The following DGKG variants were observed in gnomAD, a reference collection of about 807,000 sequenced individuals.
The protein encoded by DGKG is diacylglycerol kinase gamma, also known as DAG kinase gamma.
DGKG carries 78 observed loss-of-function variants against 105.3 expected under a neutral mutation model. The observed-to-expected ratio is 0.74, with a 90% CI of 0.62 to 0.89. The LOEUF (loss-of-function observed/expected upper bound fraction) is 0.89. Among genes scored for constraint, DGKG ranks in the 40% least tolerant of loss-of-function variants. The probability of loss-of-function intolerance (pLI) is 0.00; values close to 1 mark genes in which losing one functional copy is unlikely to be tolerated. For synonymous variants in DGKG, 346 were observed against 367.1 expected, an observed-to-expected ratio of 0.94 and a Z score of 0.66; for missense variants, 958 against 1,020.1, an observed-to-expected ratio of 0.94 and a Z score of 0.83.
chr3:186,334,286 C>T (rs1444721149), intron 1 of DGKG, among the ~76,000 whole-genome samples: 1 of 152,142 alleles, frequency 6.6e-6, no homozygotes, highest in Admixed American at 6.6e-5. Flanking sequence ...CATATTCCCC[C>T]ACCCCACCCT....
At chr3:186,159,168 C>A (rs1716172019) in intron 24 of DGKG, 1 of 151,260 alleles carries the variant, frequency 6.6e-6, no homozygotes, top group African/African-American at 2.4e-5. Flanking sequence ...TAACATCATT[C>A]AACTTGCTTC....
intron 3 of DGKG, among the ~76,000 whole-genome samples, chr3:186,299,770 T>TTTCG (rs1723787683): frequency 2.6e-5 from 1 of 38,478 alleles, no homozygotes; most frequent in Non-Finnish European, 5.0e-5. Context: ...TTCTTTTCTC[T>TTTCG]TTCTTTCTTT....
At chr3:186,237,854 A>G (rs559540909) in intron 20 of DGKG, among the ~76,000 whole-genome samples, 15 of 152,310 alleles carry the variant, frequency 9.8e-5, no homozygotes, top group Admixed American at 7.2e-4. Flanking sequence ...TGGGAATGCT[A>G]ATATTTATCT....
Position 186,261,591 on chromosome 3 carries a change from G to A in DGKG, c.1349+108C>T, listed in dbSNP as rs1054093093. On this transcript the variant is annotated intron_variant, in intron 15 of 24. Coordinates refer to ENST00000265022, the MANE Select transcript of DGKG (RefSeq NM_001346.3). The stretch of plus-strand genomic sequence containing the variant: ...CATAAAGTGGCAGGTGGCAGTGCTG[G>A]GATTTGAGTCTGCCTGTCTCCACAG... The A allele has an allele frequency of 5.0e-6, 4 of 801,352 alleles. No homozygotes were observed. In the African/African-American group the frequency reaches 6.8e-5, roughly 14 times the overall value. 49.6% of individuals were successfully genotyped at this position (801,352 alleles called of 1,614,324 possible). A position where few individuals can be genotyped will look rare whatever the true frequency, so the allele number is the denominator to read the frequency against.
chr3:186,219,295 G>C (rs965778031), intron 20 of DGKG, among the ~76,000 whole-genome samples: 4 of 152,108 alleles, frequency 2.6e-5, no homozygotes, highest in African/African-American at 9.7e-5. Flanking sequence ...CAGCTGCCTT[G>C]GCCCATCAGA....
At chr3:186,293,175 A>G (rs2074932235) in intron 5 of DGKG, among the ~76,000 whole-genome samples, 1 of 152,186 alleles carries the variant, frequency 6.6e-6, no homozygotes, top group South Asian at 2.1e-4. Flanking sequence ...TTGGTGTTCT[A>G]CATTCTGTGG....
chr3:186,194,803 TAAAAAA>T (rs57878064), intron 21 of DGKG, among the ~76,000 whole-genome samples: 1 of 105,402 alleles, frequency 9.5e-6, no homozygotes, highest in African/African-American at 3.6e-5. Context: ...GGTCTTTCTT[TAAAAAA>T]AAAAAAAAAA....
chr3:186,302,815 C>A lies in DGKG; in HGVS notation c.144+4086G>T, dbSNP rs183795048. On this transcript the variant is annotated intron_variant, in intron 3 of 24. Transcript: ENST00000265022. The stretch of plus-strand genomic sequence containing the variant: ...GCGAGTGCCATAGGAAAAGAGCTGA[C>A]AAACTGTTATGAGAACTTAGAAAAT... Among the ~76,000 whole-genome samples the A allele has an allele frequency of 2.8e-4, 42 of 152,058 alleles. No individual in the cohort carries two copies. In the East Asian group the frequency reaches 5.8e-3, roughly 21 times the overall value.
intron 13 of DGKG, chr3:186,267,462 G>A (rs2216383): frequency 0.56 from 282,476 of 500,276 alleles, 80,959 homozygotes; most frequent in East Asian, 0.68. Context: ...CAGGTGATAA[G>A]ATAATCTGCA....
intron 19 of DGKG, among the ~76,000 whole-genome samples, chr3:186,250,896 C>T (rs6787809): frequency 6.6e-6 from 1 of 151,712 alleles, no homozygotes; most frequent in Non-Finnish European, 1.5e-5. Flanking sequence ...CTTTGTTGCA[C>T]TCCCACCCCC....
At chr3:186,189,183 G>C (rs975867829) in intron 21 of DGKG, among the ~76,000 whole-genome samples, 2 of 152,194 alleles carry the variant, frequency 1.3e-5, no homozygotes, top group South Asian at 2.1e-4. Context: ...GCTTTGGAAG[G>C]CTTTCAGAAT....
chr3:186,288,498 C>T (rs891992681), intron 6 of DGKG, among the ~76,000 whole-genome samples: 1 of 152,208 alleles, frequency 6.6e-6, no homozygotes, highest in Non-Finnish European at 1.5e-5. Context: ...AGATGCCCTT[C>T]CCATGTGATA....
At chr3:186,171,726 T>C (rs1716827351) in intron 22 of DGKG, among the ~76,000 whole-genome samples, 1 of 152,226 alleles carries the variant, frequency 6.6e-6, no homozygotes, top group South Asian at 2.1e-4. Flanking sequence ...CTTGCCCAGA[T>C]TGTACTGGGT....
chr3:186,230,078 T>C (rs1255528506), intron 20 of DGKG, among the ~76,000 whole-genome samples: 1 of 151,866 alleles, frequency 6.6e-6, no homozygotes, highest in Non-Finnish European at 1.5e-5. Flanking sequence ...GCCAACATGG[T>C]GAAATCCCGT....
chr3:186,165,840 C>T (rs767663578), intron 22 of DGKG, among the ~76,000 whole-genome samples: 2 of 152,206 alleles, frequency 1.3e-5, no homozygotes, highest in Non-Finnish European at 2.9e-5. Flanking sequence ...CTCACTTTTC[C>T]AGCACAACTT....
intron 21 of DGKG, among the ~76,000 whole-genome samples, chr3:186,201,514 T>C (rs1362591258): frequency 1.3e-5 from 2 of 152,178 alleles, no homozygotes; most frequent in East Asian, 3.9e-4. Context: ...CCTGTCCTGG[T>C]TCACAGTTGT....
chr3:186,233,256 G>C (rs1720240795), intron 20 of DGKG, among the ~76,000 whole-genome samples: 1 of 152,112 alleles, frequency 6.6e-6, no homozygotes, highest in Non-Finnish European at 1.5e-5. Context: ...GAATGTCAGG[G>C]GGACGCCATA....
At chr3:186,289,161 G>A (rs1266931282) in intron 5 of DGKG, among the ~76,000 whole-genome samples, 3 of 152,004 alleles carry the variant, frequency 2.0e-5, no homozygotes, top group African/African-American at 4.8e-5. Flanking sequence ...AGTGATTATT[G>A]GTAATATCAA....
At chr3:186,308,253 G>A (rs1490219585) in intron 2 of DGKG, among the ~76,000 whole-genome samples, 1 of 152,096 alleles carries the variant, frequency 6.6e-6, no homozygotes, top group East Asian at 1.9e-4. Flanking sequence ...AAGGAATTGG[G>A]AATCCAGAAA....
Sources: gnomAD v4.1 joint callset for allele counts (sites outside exome capture counted in the v4.1 genomes callset) on GRCh38, gnomAD v4.1.1 for gene constraint, MANE v1.5 for transcripts, NCBI Gene and HGNC (gene_info 2026-07-23, HGNC 2026-07-21) for gene names.